Variants in ABRACL observed in about 807,000 individuals in gnomAD.
The protein encoded by ABRACL is ABRA C-terminal like, also known as costars family protein ABRACL.
ABRACL carries 4 observed loss-of-function variants against 7.0 expected under a neutral mutation model. That is an observed-to-expected ratio of 0.57 (90% CI 0.28 to 1.30). The LOEUF (loss-of-function observed/expected upper bound fraction) is 1.30. Ranked by LOEUF, ABRACL falls within the 50% of genes most tolerant of loss-of-function variation. ABRACL has a pLI of 0.10. For synonymous variants in ABRACL, 30 were observed against 36.0 expected (o/e 0.83, Z 0.60); for missense variants, 104 against 97.3 (o/e 1.07, Z -0.29).
intron 2 of ABRACL, among the ~76,000 whole-genome samples, chr6:139,034,915 A>G (rs1436185080): frequency 2.6e-5 from 4 of 152,242 alleles, no homozygotes; most frequent in African/African-American, 9.6e-5. Context: ...GGTATTTGGT[A>G]CATCTCAGAT....
At position 139,043,032 on chromosome 6, in the gene ABRACL, GT is replaced by G; in HGVS notation, c.*133del. On this transcript the variant is annotated 3_prime_UTR_variant, in exon 3 of 3. Transcript: ENST00000367660. ...ACTTTGTAAACGAAAGGAGATTCATGTTTTAGAAGTCTGTCCTTTTTTATAT... is the reference window on the plus strand; with the variant it reads ...ACTTTGTAAACGAAAGGAGATTCATGTTTAGAAGTCTGTCCTTTTTTATAT... 1 of 709,816 alleles carries G rather than the reference GT, an allele frequency of 1.4e-6. No individual in the cohort carries two copies. The highest frequency in any genetic ancestry group is 2.1e-6 in the Non-Finnish European group (1 of 472,206). The allele number at this position is 709,816 out of a possible 1,614,324, so 44.0% of individuals were successfully genotyped here.
intron 2 of ABRACL, among the ~76,000 whole-genome samples, chr6:139,041,451 CTATATATA>C (rs1554211122): frequency 1.8e-5 from 2 of 110,054 alleles, no homozygotes; most frequent in East Asian, 4.9e-4. Flanking sequence ...CTCTCTCTCT[CTATATATA>C]TATATATATA....
At chr6:139,035,640 G>A (rs566274916) in intron 2 of ABRACL, among the ~76,000 whole-genome samples, 4 of 151,660 alleles carry the variant, frequency 2.6e-5, no homozygotes, top group Non-Finnish European at 4.4e-5. Flanking sequence ...CTGCCACCAC[G>A]CTCAGCTAAT....
At chr6:139,041,469 A>ATATT (rs1786247199) in intron 2 of ABRACL, among the ~76,000 whole-genome samples, 1 of 108,910 alleles carries the variant, frequency 9.2e-6, no homozygotes, top group Admixed American at 1.1e-4. Flanking sequence ...ATATATATAT[A>ATATT]TTTCTATATT....
At chr6:139,033,325 G>A (rs1390441166) in intron 1 of ABRACL, among the ~76,000 whole-genome samples, 5 of 152,238 alleles carry the variant, frequency 3.3e-5, no homozygotes, top group Admixed American at 2.0e-4. Context: ...CTCCTTATCT[G>A]CAGATGAATG....
chr6:139,036,854 T>A (rs964079518), intron 2 of ABRACL, among the ~76,000 whole-genome samples: 7 of 152,008 alleles, frequency 4.6e-5, no homozygotes, highest in African/African-American at 1.7e-4. Flanking sequence ...CATGGTGGCA[T>A]GCAACTGTGG....
At chr6:139,039,213 G>GA (rs2114312473) in intron 2 of ABRACL, among the ~76,000 whole-genome samples, 1 of 146,976 alleles carries the variant, frequency 6.8e-6, no homozygotes, top group Admixed American at 7.1e-5. Flanking sequence ...CAACAAGAAG[G>GA]AAACTCCATC....
intron 2 of ABRACL, among the ~76,000 whole-genome samples, chr6:139,037,401 C>T (rs574819946): frequency 2.0e-5 from 3 of 152,098 alleles, no homozygotes; most frequent in Non-Finnish European, 4.4e-5. Context: ...GCTGGTATTA[C>T]AGGTGTCCAC....
Position 139,032,127 on chromosome 6 carries a change from A to AT in ABRACL, c.-6-2018dup, listed in dbSNP as rs544150811. ...AGGCGCCCGCCACCACGCCCGGCTA[A>AT]TTTTTTTTTTGTATTTTTAGTAGAG... is the stretch of plus-strand genomic sequence containing the variant. On this transcript the variant is annotated intron_variant, in intron 1 of 2. Coordinates refer to ENST00000367660, the MANE Select transcript of ABRACL (RefSeq NM_021243.3). 8.4e-3 allele frequency among the ~76,000 whole-genome samples: 1,248 copies of AT among 148,958 alleles called. 13 individuals are homozygous for AT. Among genetic ancestry groups the AT allele is most frequent in the African/African-American group, 0.028 (1,148 of 40,660 alleles).
At chr6:139,029,171 C>T (rs2114292078) in intron 1 of ABRACL, among the ~76,000 whole-genome samples, 1 of 152,192 alleles carries the variant, frequency 6.6e-6, no homozygotes, top group African/African-American at 2.4e-5. Context: ...ATTTTTACCG[C>T]GGTGCGACGT....
In ABRACL at chr6:139,034,049, T is replaced by G. The variant is rs1786119839; in HGVS notation, c.-6-106T>G. On this transcript the variant is annotated intron_variant, in intron 1 of 2. Coordinates refer to ENST00000367660, the MANE Select transcript of ABRACL (RefSeq NM_021243.3). ...TTTTTAGGAAAAGGAACATGGTAAA[T>G]TAATAGTGACAGACGCGACCTGAAC... The G allele has an allele frequency of 1.0e-5, 14 of 1,405,210 alleles. No individual in the cohort carries two copies. The South Asian group carries it at 1.8e-4, about 18-fold the overall frequency. The allele number at this position is 1,405,210 out of a possible 1,614,324, so 87.0% of individuals were successfully genotyped here. A position where few individuals can be genotyped will look rare whatever the true frequency, so the allele number is the denominator to read the frequency against.
intron 2 of ABRACL, among the ~76,000 whole-genome samples, chr6:139,037,883 T>C (rs1277343715): frequency 6.6e-6 from 1 of 151,522 alleles, no homozygotes; most frequent in Non-Finnish European, 1.5e-5. Context: ...TTCAAACAAT[T>C]CTCCTGCCTC....
At chr6:139,036,662 A>G (rs913576981) in intron 2 of ABRACL, among the ~76,000 whole-genome samples, 8 of 152,054 alleles carry the variant, frequency 5.3e-5, no homozygotes, top group African/African-American at 1.9e-4. Flanking sequence ...TTCCTCAGGG[A>G]TTTTACTACT....
intron 1 of ABRACL, among the ~76,000 whole-genome samples, chr6:139,029,792 C>T (rs1786052844): frequency 6.6e-6 from 1 of 152,196 alleles, no homozygotes; most frequent in South Asian, 2.1e-4. Flanking sequence ...ACGTGCCCAG[C>T]CCGAGTGTGT....
In ABRACL at chr6:139,042,109, G is replaced by T. The variant is rs962754415; in HGVS notation, c.62-610G>T. Among the ~76,000 whole-genome samples the T allele has an allele frequency of 2.6e-5, 4 of 152,136 alleles. No homozygotes were observed. The East Asian group carries it at 5.8e-4, about 22-fold the overall frequency. On this transcript the variant is annotated intron_variant, in intron 2 of 2. Transcript: ENST00000367660. ...ATTACCCTTGCCTCCAGGTTTTCAG[G>T]TTATTGATGTTTAACAACAGATCTA... is the stretch of plus-strand genomic sequence containing the variant.
At position 139,030,051 on chromosome 6, in the gene ABRACL, C is replaced by T. The variant is rs150870511; in HGVS notation, c.-7+1176C>T. On this transcript the variant is annotated intron_variant, in intron 1 of 2. Coordinates refer to ENST00000367660, the MANE Select transcript of ABRACL (RefSeq NM_021243.3). ...TGCGACAATTAGAGTGCCTGGCCGT[C>T]ATCTACCTCGCCTTCCCTGGAGCCT... 6.6e-5 allele frequency among the ~76,000 whole-genome samples: 10 copies of T among 152,256 alleles called. No homozygotes were observed. In the East Asian group the frequency reaches 1.9e-3, roughly 29 times the overall value.
chr6:139,039,395 T>G (rs991082032), intron 2 of ABRACL, among the ~76,000 whole-genome samples: 2 of 152,180 alleles, frequency 1.3e-5, no homozygotes, highest in African/African-American at 4.8e-5. Flanking sequence ...GTAAAATACA[T>G]CGAACAGTTC....
At chr6:139,035,938 A>G (rs561162115) in intron 2 of ABRACL, among the ~76,000 whole-genome samples, 3 of 149,548 alleles carry the variant, frequency 2.0e-5, no homozygotes, top group African/African-American at 7.3e-5. Flanking sequence ...TGTCTCTACT[A>G]AAGATACAGA....
At chr6:139,041,812 C>G (rs1786257623) in intron 2 of ABRACL, among the ~76,000 whole-genome samples, 1 of 152,130 alleles carries the variant, frequency 6.6e-6, no homozygotes, top group Non-Finnish European at 1.5e-5. Context: ...GAAAGTGATT[C>G]TCTACCTCCT....
Sources: allele counts gnomAD v4.1 joint callset (sites outside exome capture counted in the v4.1 genomes callset), GRCh38; gene constraint gnomAD v4.1.1; transcripts MANE v1.5; gene names NCBI Gene and HGNC (gene_info 2026-07-23, HGNC 2026-07-21).